Variants in PDE10A observed in about 807,000 individuals in gnomAD.
The protein encoded by PDE10A is phosphodiesterase 10A.
Under a neutral mutation model 97.7 loss-of-function variants are expected in PDE10A, and 39 were observed. The observed-to-expected ratio is 0.40, with a 90% CI of 0.31 to 0.52. The LOEUF (loss-of-function observed/expected upper bound fraction) is 0.52, where lower values mean the gene tolerates loss of function less well. Ranked by LOEUF, PDE10A falls within the 20% of genes least tolerant of loss-of-function variation. The pLI, the probability that PDE10A is intolerant of heterozygous loss-of-function variation, is 0.56. For missense variants in PDE10A, 731 were observed against 1,047.8 expected, an observed-to-expected ratio of 0.70 and a Z score of 4.17; for synonymous variants, 371 against 376.8, an observed-to-expected ratio of 0.98 and a Z score of 0.18.
intron 2 of PDE10A, among the ~76,000 whole-genome samples, chr6:165,515,514 GC>G (rs1781745336): frequency 2.1e-5 from 3 of 142,422 alleles, no homozygotes; most frequent in African/African-American, 8.3e-5. Flanking sequence ...ACATATATAT[GC>G]TTTTGTTCTT....
chr6:165,740,352 A>G (rs1792689650), intron 1 of PDE10A, among the ~76,000 whole-genome samples: 1 of 151,624 alleles, frequency 6.6e-6, no homozygotes, highest in East Asian at 1.9e-4. Flanking sequence ...GAGAGGAGAG[A>G]TGGAGTTTCA....
chr6:165,806,549 T>A (rs1047872716), intron 1 of PDE10A, among the ~76,000 whole-genome samples: 3 of 152,196 alleles, frequency 2.0e-5, no homozygotes, highest in African/African-American at 7.2e-5. Context: ...TGAACTGGCC[T>A]CACTCGTGGG....
intron 8 of PDE10A, among the ~76,000 whole-genome samples, chr6:165,430,797 C>T (rs971306686): frequency 2.0e-5 from 3 of 152,040 alleles, no homozygotes; most frequent in African/African-American, 4.8e-5. Flanking sequence ...TCCTACAGCT[C>T]GATTTTTCTT....
chr6:165,343,139 T>C (rs7760114), intron 19 of PDE10A, among the ~76,000 whole-genome samples: 1,603 of 152,348 alleles, frequency 0.011, 25 homozygotes, highest in African/African-American at 0.037. Flanking sequence ...ATAACTGTTA[T>C]ACTACTGTTC....
intron 1 of PDE10A, among the ~76,000 whole-genome samples, chr6:165,973,433 T>C (rs750755745): frequency 6.7e-6 from 1 of 148,638 alleles, no homozygotes; most frequent in Non-Finnish European, 1.5e-5. Context: ...AAAAATAAAA[T>C]AAAAAAGTGA....
chr6:165,917,114 G>A lies in PDE10A; in HGVS notation c.-615+70415C>T, dbSNP rs114466664. 1.8e-3 allele frequency among the ~76,000 whole-genome samples: 268 copies of A among 152,238 alleles called. 2 individuals are homozygous for A. The highest frequency in any genetic ancestry group is 6.2e-3 in the African/African-American group (256 of 41,540). ...ATTCCTTTGGATTTCCTTCCACGGT[G>A]GCAACAGGGAGCAGTGGTTGCCGGC... is the stretch of plus-strand genomic sequence containing the variant. On this transcript the variant is annotated intron_variant, in intron 1 of 19. Transcript: ENST00000366882.
intron 2 of PDE10A, among the ~76,000 whole-genome samples, chr6:165,517,053 A>T (rs1781854516): frequency 6.6e-6 from 1 of 152,198 alleles, no homozygotes; most frequent in African/African-American, 2.4e-5. Flanking sequence ...AGTGCTTCTG[A>T]ATTATTCAAT....
chr6:165,410,522 T>C (rs377581839), intron 13 of PDE10A, among the ~76,000 whole-genome samples: 9 of 152,020 alleles, frequency 5.9e-5, no homozygotes, highest in African/African-American at 1.7e-4. Context: ...GACTGGAGGT[T>C]AGGTATCGTA....
In PDE10A at chr6:165,836,966, G is replaced by A. The variant is rs1010762197; in HGVS notation, c.-615+150563C>T. 1.5e-4 allele frequency among the ~76,000 whole-genome samples: 22 copies of A among 148,754 alleles called. No individual in the cohort carries two copies. The East Asian group carries it at 3.8e-3, about 26-fold the overall frequency. ...CGCAAGAACAAAAAAACCAAACACC[G>A]CGTATTCTCACTCACAGGTGGGAAT... On this transcript the variant is annotated intron_variant, in intron 1 of 19. Coordinates refer to the PDE10A transcript ENST00000366882.
intron 1 of PDE10A, among the ~76,000 whole-genome samples, chr6:165,903,567 G>A (rs555565338): frequency 2.8e-4 from 42 of 152,294 alleles, no homozygotes; most frequent in African/African-American, 9.9e-4. Context: ...TGTTGAGTTT[G>A]AGGTTTCAAT....
chr6:165,513,649 C>A (rs2128303285), intron 2 of PDE10A, among the ~76,000 whole-genome samples: 1 of 152,162 alleles, frequency 6.6e-6, no homozygotes, highest in Admixed American at 6.5e-5. Context: ...CCAGACAATT[C>A]ATAAAGAGTA....
At chr6:165,413,989 CA>C (rs1197642991) in intron 12 of PDE10A, among the ~76,000 whole-genome samples, 2 of 148,780 alleles carry the variant, frequency 1.3e-5, no homozygotes, top group African/African-American at 2.5e-5. Flanking sequence ...GTAAACAGAC[CA>C]AAAAAAAACG....
chr6:165,451,252 G>A (rs1791270661), intron 3 of PDE10A, among the ~76,000 whole-genome samples: 1 of 152,184 alleles, frequency 6.6e-6, no homozygotes, highest in African/African-American at 2.4e-5. Context: ...AGTGGAAACA[G>A]CAGGTGGACA....
At chr6:165,957,343 T>C (rs367946844) in intron 1 of PDE10A, among the ~76,000 whole-genome samples, 2 of 152,066 alleles carry the variant, frequency 1.3e-5, no homozygotes, top group East Asian at 3.9e-4. Context: ...TAGTCAGACT[T>C]GGTGGCACAT....
intron 1 of PDE10A, chr6:165,910,707 G>GCAAA (rs57149554): frequency 0.17 from 25,738 of 151,952 alleles, 2,443 homozygotes; most frequent in East Asian, 0.27. Flanking sequence ...AGTTAAAAAT[G>GCAAA]CAAAATATCC....
intron 9 of PDE10A, among the ~76,000 whole-genome samples, chr6:165,429,122 C>G (rs1339136068): frequency 6.6e-6 from 1 of 151,986 alleles, no homozygotes; most frequent in Non-Finnish European, 1.5e-5. Context: ...TAAATTATCA[C>G]TGAAAACTGG....
At chr6:165,727,374 T>C (rs1792325694) in intron 1 of PDE10A, among the ~76,000 whole-genome samples, 1 of 152,184 alleles carries the variant, frequency 6.6e-6, no homozygotes, top group South Asian at 2.1e-4. Context: ...CACCATCCCC[T>C]GCACGGTGTG....
At chr6:165,776,415 G>A (rs1363292441) in intron 1 of PDE10A, among the ~76,000 whole-genome samples, 2 of 152,044 alleles carry the variant, frequency 1.3e-5, no homozygotes, top group South Asian at 2.1e-4. Context: ...TGCTTATTTC[G>A]ATTAAATCAA....
intron 1 of PDE10A, among the ~76,000 whole-genome samples, chr6:165,740,343 A>C (rs905987451): frequency 6.7e-6 from 1 of 149,438 alleles, no homozygotes; most frequent in Non-Finnish European, 1.5e-5. Flanking sequence ...AGAGAGAGAG[A>C]GAGGAGAGAT....
Sources: gnomAD v4.1 joint callset for allele counts (sites outside exome capture counted in the v4.1 genomes callset) on GRCh38, gnomAD v4.1.1 for gene constraint, MANE v1.5 for transcripts, NCBI Gene and HGNC (gene_info 2026-07-23, HGNC 2026-07-21) for gene names.